The following ABCG8 variants were observed in gnomAD, a reference collection of about 807,000 sequenced individuals.
ABCG8 encodes the protein ATP-binding cassette sub-family G member 8.
Under a neutral mutation model 71.3 loss-of-function variants are expected in ABCG8, and 81 were observed. The ratio of observed to expected loss-of-function variants is 1.14; its 90% confidence interval spans 0.95 to 1.37. The LOEUF is 1.37. Ranked by LOEUF, ABCG8 falls within the 40% of genes most tolerant of loss-of-function variation. The probability of loss-of-function intolerance (pLI) is 0.00; values close to 1 mark genes in which losing one functional copy is unlikely to be tolerated. For synonymous variants in ABCG8, 451 were observed against 354.7 expected, an observed-to-expected ratio of 1.27 and a Z score of -3.05; for missense variants, 1,119 against 866.2, an observed-to-expected ratio of 1.29 and a Z score of -3.66.
intron 8 of ABCG8, 31 bp downstream of exon 8, chr2:43,872,337 G>C: frequency 6.3e-7 from 1 of 1,592,586 alleles, no homozygotes; most frequent in Non-Finnish European, 8.6e-7. Context: ...TACTGAACCC[G>C]CCCCCCTGCC....
chr2:43,860,839 C>T (rs58726056), intron 6 of ABCG8, among the ~76,000 whole-genome samples: 1 of 146,664 alleles, frequency 6.8e-6, no homozygotes, highest in African/African-American at 2.5e-5. Context: ...GAATTCTCAC[C>T]CTCTGGATAG....
chr2:43,848,154 A>G (rs1293576930), intron 3 of ABCG8: 2 of 152,212 alleles, frequency 1.3e-5, no homozygotes, highest in Admixed American at 1.3e-4. Flanking sequence ...AAACAACAAC[A>G]AACAACTTTA....
At chr2:43,855,135 T>C (rs1331836706) in intron 6 of ABCG8, among the ~76,000 whole-genome samples, 1 of 152,136 alleles carries the variant, frequency 6.6e-6, no homozygotes, top group Non-Finnish European at 1.5e-5. Context: ...ACAATCTGGA[T>C]AGAATTCTCA....
chr2:43,850,666 A>T (rs2104917731), intron 3 of ABCG8, among the ~76,000 whole-genome samples: 1 of 152,312 alleles, frequency 6.6e-6, no homozygotes, highest in African/African-American at 2.4e-5. Flanking sequence ...CCACTGATGC[A>T]CTTTGGGAGG....
rs117930553 is a variant in ABCG8 at position 43,871,542 on chromosome 2, C to T, written c.965-434C>T. On this transcript the variant is annotated intron_variant, in intron 6 of 12. Transcript: ENST00000272286. The stretch of plus-strand genomic sequence containing the variant: ...AGCCTAACTACTCAGCCTCCCCCGA[C>T]CAGCCCAACTTCTCCCCATGGAGGG... Among the ~76,000 whole-genome samples, 16 of 151,994 alleles carry T rather than the reference C, an allele frequency of 1.1e-4. No individual in the cohort carries two copies. The East Asian group carries it at 2.9e-3, about 27-fold the overall frequency.
intron 6 of ABCG8, among the ~76,000 whole-genome samples, chr2:43,867,437 G>T (rs1201878483): frequency 6.8e-6 from 1 of 146,642 alleles, no homozygotes; most frequent in African/African-American, 2.5e-5. Context: ...CTCTCTATCT[G>T]GATAGAATTC....
At chr2:43,859,522 T>C (rs568384851) in intron 6 of ABCG8, among the ~76,000 whole-genome samples, 4 of 151,232 alleles carry the variant, frequency 2.6e-5, no homozygotes, top group Non-Finnish European at 4.4e-5. Context: ...GAATTCTCAC[T>C]CTCTGGATAG....
At position 43,844,596 on chromosome 2, in the gene ABCG8, C is replaced by G. The variant is rs765186399; in HGVS notation, c.153C>G (p.Asp51Glu). The G allele has an allele frequency of 1.2e-6, 2 of 1,613,700 alleles. No homozygotes were observed. The highest frequency in any genetic ancestry group is 1.7e-6 in the Non-Finnish European group (2 of 1,179,636). ...AGCCCAACACCCTGGAGGTCAGAGA[C>G]CTCAACTACCAGGTAGAGGCACGCC... ...SGQPNTLEVR[D>E]LNYQVDLASQ... Residue 51 changes from aspartate (D) to glutamate (E), a missense_variant, in exon 2 of 13, where the codon GAC becomes GAG. Coordinates refer to ENST00000272286, the MANE Select transcript of ABCG8 (RefSeq NM_022437.3).
chr2:43,865,455 A>C (rs1024851871), intron 6 of ABCG8, among the ~76,000 whole-genome samples: 1 of 151,474 alleles, frequency 6.6e-6, no homozygotes, highest in African/African-American at 2.4e-5. Flanking sequence ...CAGTATCTGG[A>C]TAGAATTCTC....
At chr2:43,863,626 C>G (rs1289144429) in intron 6 of ABCG8, among the ~76,000 whole-genome samples, 1 of 151,340 alleles carries the variant, frequency 6.6e-6, no homozygotes, top group Non-Finnish European at 1.5e-5. Context: ...GGATAAAATT[C>G]TCACCATCTG....
intron 8 of ABCG8, 40 bp downstream of exon 8, chr2:43,872,346 C>A: frequency 2.5e-6 from 4 of 1,581,252 alleles, no homozygotes; most frequent in Non-Finnish European, 3.4e-6. Context: ...CGCCCCCCTG[C>A]CCAAGTCTTT....
At chr2:43,857,393 A>C (rs1172443785) in intron 6 of ABCG8, among the ~76,000 whole-genome samples, 1 of 151,338 alleles carries the variant, frequency 6.6e-6, no homozygotes, top group Non-Finnish European at 1.5e-5. Context: ...AACTCTCACT[A>C]TCTATCTGGA....
chr2:43,846,173 G>A lies in ABCG8; in HGVS notation c.184G>A (p.Val62Ile), dbSNP rs774152997. ...CCCACAGGTGGACCTGGCCTCTCAG[G>A]TCCCTTGGTTTGAGCAGCTGGCTCA... ...LNYQVDLASQ[V>I]PWFEQLAQFK... Residue 62 changes from valine to isoleucine, a missense_variant, in exon 3 of 13, where the codon GTC becomes ATC. Val to Ile is a conservative substitution (Grantham distance 29). Coordinates refer to ENST00000272286, the MANE Select transcript of ABCG8 (RefSeq NM_022437.3). 16 of 1,613,636 alleles carry A rather than the reference G, an allele frequency of 9.9e-6. 1 individual carries two copies. The South Asian group carries it at 1.5e-4, about 16-fold the overall frequency.
intron 3 of ABCG8, chr2:43,848,481 T>C (rs1668814090): frequency 6.6e-6 from 1 of 152,332 alleles, no homozygotes; most frequent in African/African-American, 2.4e-5. Flanking sequence ...TAAGAGAATA[T>C]ACTGCTAAGA....
chr2:43,846,453 T>C, intron 3 of ABCG8, 142 bp downstream of exon 3: 1 of 1,255,978 alleles, frequency 8.0e-7, no homozygotes, highest in Non-Finnish European at 1.1e-6. Context: ...AGGTTCTGGG[T>C]CAGACAGACC....
Position 43,882,533 on chromosome 2 carries a change from C to T in ABCG8, c.*4620C>T, listed in dbSNP as rs1483112754. On this transcript the variant is annotated 3_prime_UTR_variant, in exon 13 of 13. Coordinates refer to ENST00000272286, the MANE Select transcript of ABCG8 (RefSeq NM_022437.3). ...TTGCAAAATATATCCAATGCTCACACCTGAGAGACAACAGACATCCTTATT... is the reference window on the plus strand; with the variant it reads ...TTGCAAAATATATCCAATGCTCACATCTGAGAGACAACAGACATCCTTATT... 3 of 152,264 alleles carry T rather than the reference C, an allele frequency of 2.0e-5. No homozygotes were observed. The highest frequency in any genetic ancestry group is 6.5e-5 in the Admixed American group (1 of 15,284). 9.4% of individuals were successfully genotyped at this position (152,264 alleles called of 1,614,324 possible). A position where few individuals can be genotyped will look rare whatever the true frequency, so the allele number is the denominator to read the frequency against.
At chr2:43,863,633 T>G (rs1362071814) in intron 6 of ABCG8, among the ~76,000 whole-genome samples, 1 of 151,448 alleles carries the variant, frequency 6.6e-6, no homozygotes, top group Non-Finnish European at 1.5e-5. Context: ...ATTCTCACCA[T>G]CTGGATAGAA....
Position 43,880,707 on chromosome 2 carries a change from CAT to C in ABCG8, c.*2795_*2796del, listed in dbSNP as rs1047037917. The C allele has an allele frequency of 4.6e-5, 7 of 152,390 alleles. No individual in the cohort carries two copies. The highest frequency in any genetic ancestry group is 1.4e-4 in the African/African-American group (6 of 41,594). 9.4% of individuals were successfully genotyped at this position (152,390 alleles called of 1,614,324 possible). A position where few individuals can be genotyped will look rare whatever the true frequency, so the allele number is the denominator to read the frequency against. ...GTGCATACATATACACCTAAGTACA[CAT>C]GAGTTTACTCTGATAACATCCATTT... On this transcript the variant is annotated 3_prime_UTR_variant, in exon 13 of 13. Transcript: ENST00000272286.
rs1042840139 is a variant in ABCG8 at position 43,877,960 on chromosome 2, T to C, written c.*47T>C. 1.2e-6 allele frequency: 2 copies of C among 1,613,382 alleles called. No individual in the cohort carries two copies. Among genetic ancestry groups the C allele is most frequent in the African/African-American group, 1.3e-5 (1 of 74,902 alleles). On this transcript the variant is annotated 3_prime_UTR_variant, in exon 13 of 13. Transcript: ENST00000272286. ...CTGGTGGGGGACCTGAGCAGACCCTTCAACTGCACTCCCTCCTCAGGAGCC... is the reference window on the plus strand; with the variant it reads ...CTGGTGGGGGACCTGAGCAGACCCTCCAACTGCACTCCCTCCTCAGGAGCC...
Sources: allele counts gnomAD v4.1 joint callset (sites outside exome capture counted in the v4.1 genomes callset), GRCh38; gene constraint gnomAD v4.1.1; transcripts MANE v1.5; gene names NCBI Gene and HGNC (gene_info 2026-07-23, HGNC 2026-07-21).